TRIM41: variants seen among roughly 807,000 people sequenced by gnomAD.
TRIM41 encodes the protein E3 ubiquitin-protein ligase TRIM41.
TRIM41 carries 21 observed loss-of-function variants against 60.6 expected under a neutral mutation model. The ratio of observed to expected loss-of-function variants is 0.35; its 90% confidence interval spans 0.25 to 0.50. TRIM41 has a LOEUF of 0.50. Ranked by LOEUF, TRIM41 falls within the 20% of genes least tolerant of loss-of-function variation. The pLI is 0.98. For missense variants in TRIM41, 846 were observed against 868.3 expected, an observed-to-expected ratio of 0.97 and a Z score of 0.32; for synonymous variants, 407 against 344.9, an observed-to-expected ratio of 1.18 and a Z score of -2.00.
rs1758998583 is a variant in TRIM41 at position 181,234,778 on chromosome 5, A to G, written c.*3A>G. 6.2e-7 allele frequency: 1 copy of G among 1,608,548 alleles called. No individual in the cohort carries two copies. The highest frequency in any genetic ancestry group is 1.3e-5 in the African/African-American group (1 of 74,642). ...CCCGCATCAAGCTCTGCCCTTGATT[A>G]TCCTGCCACCCGCAGGGGCCCCTCT... On this transcript the variant is annotated 3_prime_UTR_variant, in exon 6 of 6. Transcript: ENST00000315073. This position sits in a 1 kb window ranked among gnomAD's most constrained non-coding sequence, Gnocchi z 5.6.
At chr5:181,231,374 G>T (rs57318614) in intron 2 of TRIM41, 29,168 of 150,608 alleles carry the variant, frequency 0.19, 6,336 homozygotes, top group African/African-American at 0.55. Flanking sequence ...TTTTTTTGTT[G>T]TTTTTTTCCA....
chr5:181,233,487 C>T lies in TRIM41; in HGVS notation c.1163+52C>T. 2 of 1,614,008 alleles carry T rather than the reference C, an allele frequency of 1.2e-6. No homozygotes were observed. The highest frequency in any genetic ancestry group is 8.5e-7 in the Non-Finnish European group (1 of 1,179,942). ...GACCCAGTGGCATCTGGTTCCCTGT[C>T]CCTGCTTCTCTTCGGTATCCCTCTC... On this transcript the variant is annotated intron_variant, in intron 4 of 5. Transcript: ENST00000315073. The surrounding 1 kb of genome is among the most constrained non-coding windows in gnomAD (Gnocchi z 4.1).
At chr5:181,230,552 C>T (rs1244941450) in intron 1 of TRIM41, 192 bp from the exon 2 acceptor site, 5 of 404,598 alleles carry the variant, frequency 1.2e-5, no homozygotes, top group East Asian at 4.6e-5. Context: ...TGCAGACGTG[C>T]ACAGAGGGAT....
At chr5:181,230,718 C>A in intron 1 of TRIM41, 26 bp from the exon 2 acceptor site, 1 of 1,604,956 alleles carries the variant, frequency 6.2e-7, no homozygotes, top group South Asian at 1.1e-5. Context: ...CTCCCAGCCC[C>A]CACTTTTCTT....
Position 181,235,591 on chromosome 5 carries a change from T to C in TRIM41, c.*816T>C. 1.4e-6 allele frequency: 1 copy of C among 692,502 alleles called. No homozygotes were observed. The highest frequency in any genetic ancestry group is 1.9e-5 in the South Asian group (1 of 52,778). 42.9% of individuals were successfully genotyped at this position (692,502 alleles called of 1,614,324 possible). On this transcript the variant is annotated 3_prime_UTR_variant, in exon 6 of 6. Transcript: ENST00000315073. ...TGGAGCTGGCTTTTCTCCCAGCCCC[T>C]TTCCATGCCTTTCACTCCATTTGGC... is the stretch of plus-strand genomic sequence containing the variant.
Position 181,233,208 on chromosome 5 carries a change from C to G in TRIM41, c.1141-205C>G, listed in dbSNP as rs138344735. 4.1e-6 allele frequency: 3 copies of G among 730,672 alleles called. No individual in the cohort carries two copies. The highest frequency in any genetic ancestry group is 4.9e-6 in the Non-Finnish European group (2 of 404,404). The allele number at this position is 730,672 out of a possible 1,614,324, so 45.3% of individuals were successfully genotyped here. On this transcript the variant is annotated intron_variant, in intron 3 of 5. Coordinates refer to ENST00000315073, the MANE Select transcript of TRIM41 (RefSeq NM_033549.5). The surrounding 1 kb of genome is among the most constrained non-coding windows in gnomAD (Gnocchi z 4.1). ...GTGGAAATGACAGTATCCCTGGGCT[C>G]ACAGCAGGATGAGGCGAGTTAGGTA...
rs752150964 is a variant in TRIM41 at position 181,234,815 on chromosome 5, G to C, written c.*40G>C. The C allele has an allele frequency of 3.7e-6, 6 of 1,606,524 alleles. No individual in the cohort carries two copies. The highest frequency in any genetic ancestry group is 1.3e-5 in the African/African-American group (1 of 74,722). ...GCAGGGGCCCCTCTGTCAGCACTTG[G>C]GGGGTGGGTGGTGGAGGGTGGCCCG... On this transcript the variant is annotated 3_prime_UTR_variant, in exon 6 of 6. Coordinates refer to ENST00000315073, the MANE Select transcript of TRIM41 (RefSeq NM_033549.5). This position sits in a 1 kb window ranked among gnomAD's most constrained non-coding sequence, Gnocchi z 5.6.
chr5:181,223,597 A>G lies in TRIM41; in HGVS notation c.-403A>G, dbSNP rs909983570. On this transcript the variant is annotated 5_prime_UTR_variant, in exon 1 of 6. Coordinates refer to ENST00000315073, the MANE Select transcript of TRIM41 (RefSeq NM_033549.5). ...GGCCCCGCGGGGAAAAAGGGGGAGT[A>G]GCAGGACAGCGGAGGGAAGTCGCGA... 2.2e-6 allele frequency: 1 copy of G among 450,660 alleles called. No homozygotes were observed. The allele number at this position is 450,660 out of a possible 1,614,324, so 27.9% of individuals were successfully genotyped here.
At position 181,235,431 on chromosome 5, in the gene TRIM41, A is replaced by ATT. The variant is rs756334277; in HGVS notation, c.*657_*658dup. 1 of 1,612,058 alleles carries ATT rather than the reference A, an allele frequency of 6.2e-7. No homozygotes were observed. Among genetic ancestry groups the ATT allele is most frequent in the East Asian group, 2.2e-5 (1 of 44,876 alleles). On this transcript the variant is annotated 3_prime_UTR_variant, in exon 6 of 6. Transcript: ENST00000315073. ...TGAAACCACGCACCATTACATCATC[A>ATT]TTACATTAATTACATCAACATAAAT...
At position 181,224,361 on chromosome 5, in the gene TRIM41, A is replaced by C. The variant is rs1339702052; in HGVS notation, c.362A>C (p.Asp121Ala). ...GMSRSSWDNMDYVWEEEDEEE... is the reference protein window; with the variant it reads ...GMSRSSWDNMAYVWEEEDEEE... ...AGCAGGTCCAGCTGGGACAACATGG[A>C]CTATGTGTGGGAGGAGGAGGACGAG... The change falls in exon 1 of 6, where the codon GAC becomes GCC. Residue 121 changes from aspartate (D) to alanine (A), a missense_variant. By Grantham distance (126) the Asp-to-Ala change is moderately radical. Transcript: ENST00000315073. 6.2e-7 allele frequency: 1 copy of C among 1,612,592 alleles called. No homozygotes were observed. The highest frequency in any genetic ancestry group is 1.7e-5 in the Admixed American group (1 of 59,968).
chr5:181,230,693 G>A (rs1758758844), intron 1 of TRIM41, 51 bp from the exon 2 acceptor site: 1 of 1,504,296 alleles, frequency 6.6e-7, no homozygotes, highest in Non-Finnish European at 9.2e-7. Context: ...GGTAGGCTCT[G>A]AAGGGCAGGT....
chr5:181,223,512 C>T lies in TRIM41; in HGVS notation c.-488C>T, dbSNP rs1758379704. On this transcript the variant is annotated 5_prime_UTR_variant, in exon 1 of 6. Coordinates refer to ENST00000315073, the MANE Select transcript of TRIM41 (RefSeq NM_033549.5). ...GACGCGGGCCTCCACCGTCCTAGCCCTCCCGCCCTGTTCTCTAGTGCGGAC... is the reference window on the plus strand; with the variant it reads ...GACGCGGGCCTCCACCGTCCTAGCCTTCCCGCCCTGTTCTCTAGTGCGGAC... 2.4e-6 allele frequency: 1 copy of T among 418,854 alleles called. No individual in the cohort carries two copies. The highest frequency in any genetic ancestry group is 4.2e-6 in the Non-Finnish European group (1 of 235,970). 25.9% of individuals were successfully genotyped at this position (418,854 alleles called of 1,614,324 possible).
Position 181,233,902 on chromosome 5 carries a change from T to A in TRIM41, c.1291+139T>A. 7.1e-7 allele frequency: 1 copy of A among 1,412,554 alleles called. No individual in the cohort carries two copies. Among genetic ancestry groups the A allele is most frequent in the Admixed American group, 1.9e-5 (1 of 51,636 alleles). 87.5% of individuals were successfully genotyped at this position (1,412,554 alleles called of 1,614,324 possible). ...CCAGGCAGCCACTCTGAGGTTGAGG[T>A]TTCAAGCCATGAGCAGGTAGACCTA... On this transcript the variant is annotated intron_variant, in intron 5 of 5. Coordinates refer to ENST00000315073, the MANE Select transcript of TRIM41 (RefSeq NM_033549.5). This position sits in a 1 kb window ranked among gnomAD's most constrained non-coding sequence, Gnocchi z 4.1.
At chr5:181,225,497 C>G (rs987216908) in intron 1 of TRIM41, 1 of 153,414 alleles carries the variant, frequency 6.5e-6, no homozygotes, top group African/African-American at 2.4e-5. Context: ...GTACTAGGCA[C>G]TTTTCATGGA....
Position 181,235,347 on chromosome 5 carries a change from T to A in TRIM41, c.*572T>A. ...TTTCCTTCCGTCCTCAATTTCTACC[T>A]CCATAGACCGGCCAGAATTTAGCTT... On this transcript the variant is annotated 3_prime_UTR_variant, in exon 6 of 6. Transcript: ENST00000315073. The A allele has an allele frequency of 3.1e-6, 5 of 1,614,162 alleles. No homozygotes were observed. Among genetic ancestry groups the A allele is most frequent in the Non-Finnish European group, 4.2e-6 (5 of 1,180,024 alleles).
chr5:181,234,670 G>A lies in TRIM41; in HGVS notation c.1788G>A (p.Glu596=), dbSNP rs779622930. ...GGCGCCTGGGCTTCTACAACGCAGA[G>A]ACTCTAGCCCACGTGCACACCTTCT... The part of the protein sequence containing the change: ...EAGRLGFYNA[E]TLAHVHTFSA... The change falls in exon 6 of 6, where the codon GAG becomes GAA. Residue 596 remains glutamate (E), a synonymous_variant. Coordinates refer to ENST00000315073, the MANE Select transcript of TRIM41 (RefSeq NM_033549.5). This position sits in a 1 kb window ranked among gnomAD's most constrained non-coding sequence, Gnocchi z 5.6. 6.2e-7 allele frequency: 1 copy of A among 1,614,232 alleles called. No individual in the cohort carries two copies. Among genetic ancestry groups the A allele is most frequent in the South Asian group, 1.1e-5 (1 of 91,090 alleles).
At chr5:181,232,473 CTG>C (rs1232519143) in intron 2 of TRIM41, 184 bp from the exon 3 acceptor site, 1 of 597,200 alleles carries the variant, frequency 1.7e-6, no homozygotes, top group Non-Finnish European at 2.9e-6. Context: ...TTTGAGACCA[CTG>C]TGCTGGGAGC....
chr5:181,233,210 C>G lies in TRIM41; in HGVS notation c.1141-203C>G, dbSNP rs745525416. Reference sequence around the variant, plus strand: ...GGAAATGACAGTATCCCTGGGCTCACAGCAGGATGAGGCGAGTTAGGTATG... The same window carrying G: ...GGAAATGACAGTATCCCTGGGCTCAGAGCAGGATGAGGCGAGTTAGGTATG... On this transcript the variant is annotated intron_variant, in intron 3 of 5. Transcript: ENST00000315073. This position sits in a 1 kb window ranked among gnomAD's most constrained non-coding sequence, Gnocchi z 4.1. 2 of 733,064 alleles carry G rather than the reference C, an allele frequency of 2.7e-6. No homozygotes were observed. Among genetic ancestry groups the G allele is most frequent in the East Asian group, 5.2e-5 (2 of 38,332 alleles). The allele number at this position is 733,064 out of a possible 1,614,324, so 45.4% of individuals were successfully genotyped here.
chr5:181,232,661 C>G lies in TRIM41; in HGVS notation c.912C>G (p.Ser304Arg), dbSNP rs761638995. 2 of 1,613,412 alleles carry G rather than the reference C, an allele frequency of 1.2e-6. No individual in the cohort carries two copies. The highest frequency in any genetic ancestry group is 2.2e-5 in the East Asian group (1 of 44,884). The change falls in exon 3 of 6, where the codon AGC (serine) becomes AGG (arginine). Residue 304 changes from serine (S) to arginine (R), a missense_variant and splice_region_variant. Ser to Arg is a moderately radical substitution (Grantham distance 110). Coordinates refer to ENST00000315073, the MANE Select transcript of TRIM41 (RefSeq NM_033549.5). ...KEERRVTELK[S>R]QMKSELAAVA... is the part of the protein sequence containing the mutation. Reference sequence around the variant, plus strand: ...CCATCCCCTTTGCACCATTCCAGAGCCAGATGAAGTCAGAGCTGGCAGCGG... The same window carrying G: ...CCATCCCCTTTGCACCATTCCAGAGGCAGATGAAGTCAGAGCTGGCAGCGG...
Sources: allele counts gnomAD v4.1 joint callset, GRCh38; gene constraint gnomAD v4.1.1; non-coding constraint Gnocchi (gnomAD v3.1); transcripts MANE v1.5; gene names NCBI Gene and HGNC (gene_info 2026-07-23, HGNC 2026-07-21).